GMPR: variants seen among roughly 807,000 people sequenced by gnomAD.
The protein encoded by GMPR is guanosine monophosphate reductase, also known as GMP reductase 1.
A neutral mutation model predicts 38.4 loss-of-function variants in GMPR; 31 were observed. The observed-to-expected ratio is 0.81, with a 90% CI of 0.61 to 1.09. GMPR has a LOEUF of 1.09. Among genes scored for constraint, GMPR ranks in the 50% least tolerant of loss-of-function variants. GMPR has a pLI of 0.00. For missense variants in GMPR, 468 were observed against 453.7 expected, an observed-to-expected ratio of 1.03 and a Z score of -0.29; for synonymous variants, 162 against 173.3, an observed-to-expected ratio of 0.93 and a Z score of 0.51.
chr6:16,260,867 G>C lies in GMPR; in HGVS notation c.465+6132G>C, dbSNP rs1372879817. ...AGGTGTGGTATCAGGAATAACGTGG[G>C]AGGGTGGATTGAAGTCCGGGCCAGG... On this transcript the variant is annotated intron_variant, in intron 4 of 8. Transcript: ENST00000259727. Among the ~76,000 whole-genome samples, 3 of 151,998 alleles carry C rather than the reference G, an allele frequency of 2.0e-5. No homozygotes were observed. The Admixed American group carries it at 2.0e-4, about 10-fold the overall frequency.
intron 1 of GMPR, among the ~76,000 whole-genome samples, chr6:16,239,160 G>A (rs1190344732): frequency 6.6e-6 from 1 of 152,206 alleles, no homozygotes; most frequent in Non-Finnish European, 1.5e-5. Context: ...TGCAGATCCC[G>A]GTGATTTTTG....
chr6:16,277,821 CAA>C (rs1393173673), intron 5 of GMPR, among the ~76,000 whole-genome samples: 7 of 151,946 alleles, frequency 4.6e-5, no homozygotes, highest in South Asian at 2.1e-4. Context: ...GGGGAGTGTC[CAA>C]GAGAGAGAAC....
rs749587857 is a variant in GMPR at position 16,246,865 on chromosome 6, G to A, written c.111G>A (p.Thr37=). The change falls in exon 2 of 9, where the codon ACG becomes ACA. Residue 37 remains threonine (T), a synonymous_variant. Transcript: ENST00000259727. ...RAEVDLERTF[T]FRNSKQTYSG... ...AGGTGGATCTTGAACGCACCTTCACGTTTCGAAATTCAAAGCAGACCTACT... is the reference window on the plus strand; with the variant it reads ...AGGTGGATCTTGAACGCACCTTCACATTTCGAAATTCAAAGCAGACCTACT... The A allele has an allele frequency of 2.4e-5, 39 of 1,613,096 alleles. No individual in the cohort carries two copies. The highest frequency in any genetic ancestry group is 3.3e-4 in the Middle Eastern group (2 of 6,084).
At chr6:16,288,374 A>G (rs930476238) in intron 7 of GMPR, among the ~76,000 whole-genome samples, 3 of 152,176 alleles carry the variant, frequency 2.0e-5, no homozygotes, top group African/African-American at 7.2e-5. Flanking sequence ...TGCCGGCCTC[A>G]GGCAATGAGA....
intron 6 of GMPR, among the ~76,000 whole-genome samples, chr6:16,282,859 A>T (rs1759601892): frequency 6.8e-6 from 1 of 146,570 alleles, no homozygotes. Flanking sequence ...CCCATGCTGG[A>T]GTGCAGTGGC....
At chr6:16,260,611 G>A (rs1021932376) in intron 4 of GMPR, among the ~76,000 whole-genome samples, 2 of 152,006 alleles carry the variant, frequency 1.3e-5, no homozygotes, top group African/African-American at 2.4e-5. Flanking sequence ...ACACTGAGAA[G>A]TTATTTCCTT....
chr6:16,239,475 C>A (rs1389682095), intron 1 of GMPR, among the ~76,000 whole-genome samples: 2 of 152,184 alleles, frequency 1.3e-5, no homozygotes, highest in Non-Finnish European at 2.9e-5. Context: ...AGGTGGAGAC[C>A]GGACTGGAAA....
intron 4 of GMPR, chr6:16,263,373 T>G (rs1271407209): frequency 6.6e-6 from 1 of 151,878 alleles, no homozygotes; most frequent in Non-Finnish European, 1.5e-5. Flanking sequence ...GAAAATAAGA[T>G]GCTTAGATTT....
intron 1 of GMPR, among the ~76,000 whole-genome samples, chr6:16,239,371 G>C (rs1191298853): frequency 6.6e-6 from 1 of 152,192 alleles, no homozygotes; most frequent in African/African-American, 2.4e-5. Context: ...CTGGAGAAGA[G>C]TTTCGAAAGC....
intron 4 of GMPR, among the ~76,000 whole-genome samples, chr6:16,272,404 T>G (rs1759402993): frequency 1.3e-5 from 2 of 152,202 alleles, no homozygotes; most frequent in South Asian, 4.1e-4. Context: ...AATTATTGAA[T>G]ACAAGGAAGT....
intron 4 of GMPR, among the ~76,000 whole-genome samples, chr6:16,267,131 A>G (rs1759264565): frequency 6.6e-6 from 1 of 152,042 alleles, no homozygotes; most frequent in South Asian, 2.1e-4. Flanking sequence ...TGGGAGGCCG[A>G]GGTGGGCGGA....
At chr6:16,264,906 G>A (rs116664009) in intron 4 of GMPR, among the ~76,000 whole-genome samples, 2,041 of 151,924 alleles carry the variant, frequency 0.013, 38 homozygotes, top group African/African-American at 0.047. Flanking sequence ...TTTCACCTAA[G>A]ATGGGCCTTG....
intron 4 of GMPR, among the ~76,000 whole-genome samples, chr6:16,256,709 T>C (rs927788411): frequency 2.0e-5 from 3 of 152,214 alleles, no homozygotes; most frequent in African/African-American, 7.2e-5. Context: ...TATGTGTTTA[T>C]TGGTCTCAGC....
chr6:16,268,194 T>TCA, intron 4 of GMPR, among the ~76,000 whole-genome samples: 1 of 152,228 alleles, frequency 6.6e-6, no homozygotes, highest in African/African-American at 2.4e-5. Flanking sequence ...ATGTTCTCTC[T>TCA]GAAGAGTCAC....
rs188620082 is a variant in GMPR, at chr6:16,295,103, G to A, written c.955G>A (p.Val319Met). 7.7e-5 allele frequency: 122 copies of A among 1,581,198 alleles called. No individual in the cohort carries two copies. The highest frequency in any genetic ancestry group is 9.7e-5 in the Non-Finnish European group (113 of 1,169,522). ...LGGLRSTCTY[V>M]GAAKLKELSR... ...GGGACTGAGGTCCACGTGCACCTAC[G>A]TGGGGGCCGCCAAACTCAAGGAGCT... The change falls in exon 9 of 9, where the codon GTG (valine) becomes ATG (methionine). Residue 319 changes from valine to methionine, a missense_variant. Transcript: ENST00000259727.
intron 4 of GMPR, among the ~76,000 whole-genome samples, chr6:16,255,462 G>A (rs190155448): frequency 1.3e-5 from 2 of 152,342 alleles, no homozygotes. Flanking sequence ...TAGGAATTGG[G>A]AGTCTACGTT....
intron 4 of GMPR, among the ~76,000 whole-genome samples, chr6:16,260,308 T>G (rs1353229077): frequency 1.3e-5 from 2 of 151,940 alleles, no homozygotes; most frequent in Non-Finnish European, 2.9e-5. Context: ...ATTTGACTAA[T>G]AAAGGCTGGT....
intron 1 of GMPR, among the ~76,000 whole-genome samples, chr6:16,241,043 G>T (rs1248922775): frequency 6.6e-6 from 1 of 152,090 alleles, no homozygotes; most frequent in Admixed American, 6.6e-5. Context: ...CAGTTTGCTT[G>T]TTGATGCCTG....
intron 5 of GMPR, among the ~76,000 whole-genome samples, chr6:16,278,005 T>C (rs1337777283): frequency 1.3e-5 from 2 of 152,046 alleles, no homozygotes; most frequent in Non-Finnish European, 2.9e-5. Context: ...GAGTGCGACT[T>C]GGCCTGGACC....
Sources: allele counts gnomAD v4.1 joint callset (sites outside exome capture counted in the v4.1 genomes callset), GRCh38; gene constraint gnomAD v4.1.1; transcripts MANE v1.5; gene names NCBI Gene and HGNC (gene_info 2026-07-23, HGNC 2026-07-21).